Variants in GABRG3 observed in about 807,000 individuals in gnomAD.
GABRG3 encodes gamma-aminobutyric acid receptor subunit gamma-3.
A neutral mutation model predicts 48.8 loss-of-function variants in GABRG3; 25 were observed. The ratio of observed to expected loss-of-function variants is 0.51; its 90% CI spans 0.37 to 0.72. The LOEUF is 0.72. Ranked by LOEUF, GABRG3 falls within the 30% of genes least tolerant of loss-of-function variation. The pLI is 0.00. For synonymous variants in GABRG3, 227 were observed against 217.6 expected (o/e 1.04, Z -0.38); for missense variants, 394 against 577.9 (o/e 0.68, Z 3.26).
chr15:27,426,179 C>T (rs984982052), intron 5 of GABRG3, among the ~76,000 whole-genome samples: 6 of 152,142 alleles, frequency 3.9e-5, no homozygotes, highest in Non-Finnish European at 8.8e-5. Context: ...AGTGCCTCCT[C>T]CCCACAGAAA....
chr15:27,425,477 G>A (rs1202836785), intron 5 of GABRG3, among the ~76,000 whole-genome samples: 1 of 151,622 alleles, frequency 6.6e-6, no homozygotes, highest in East Asian at 1.9e-4. Flanking sequence ...TAGGCGTGGT[G>A]GTGGGCGCCT....
intron 5 of GABRG3, among the ~76,000 whole-genome samples, chr15:27,423,541 G>A (rs561869285): frequency 7.3e-6 from 1 of 136,428 alleles, no homozygotes; most frequent in East Asian, 2.1e-4. Flanking sequence ...TTGTTTTTTG[G>A]TTTTTTTTTT....
At chr15:27,337,351 C>T (rs1213159717) in intron 5 of GABRG3, among the ~76,000 whole-genome samples, 2 of 152,230 alleles carry the variant, frequency 1.3e-5, no homozygotes, top group Non-Finnish European at 2.9e-5. Context: ...GTTAATTTTA[C>T]TGCATTTTAT....
intron 5 of GABRG3, among the ~76,000 whole-genome samples, chr15:27,467,949 T>G (rs1441272920): frequency 1.3e-5 from 2 of 152,190 alleles, no homozygotes; most frequent in African/African-American, 4.8e-5. Context: ...TGTGATGAAG[T>G]CTCTTACCAT....
intron 3 of GABRG3, among the ~76,000 whole-genome samples, chr15:27,229,420 A>G (rs1476956610): frequency 6.7e-6 from 1 of 149,786 alleles, no homozygotes; most frequent in African/African-American, 2.5e-5. Flanking sequence ...TGGGCTCTCT[A>G]TTCTGTTTCA....
At position 27,216,742 on chromosome 15, in the gene GABRG3, T is replaced by TA. The variant is rs1311477373; in HGVS notation, c.271-110067_271-110066insA. Among the ~76,000 whole-genome samples, 74 of 129,890 alleles carry TA rather than the reference T, an allele frequency of 5.7e-4. No individual in the cohort carries two copies. The East Asian group carries it at 9.5e-3, about 17-fold the overall frequency. 85.2% of individuals were successfully genotyped at this position (129,890 alleles called of 152,430 possible). A position where few individuals can be genotyped will look rare whatever the true frequency, so the allele number is the denominator to read the frequency against. On this transcript the variant is annotated intron_variant, in intron 3 of 9. Coordinates refer to ENST00000615808, the MANE Select transcript of GABRG3 (RefSeq NM_033223.5). ...TCTGACCAATTCATTTCTTTTTTTT[T>TA]TTTTATTTTTTATTTATTTATTTAT...
At chr15:27,045,084 A>G (rs10519577) in intron 3 of GABRG3, among the ~76,000 whole-genome samples, 26,414 of 152,270 alleles carry the variant, frequency 0.17, 2,953 homozygotes, top group South Asian at 0.28. Flanking sequence ...ATTAATTCAC[A>G]TAACTACTGA....
At position 27,213,564 on chromosome 15, in the gene GABRG3, G is replaced by A. The variant is rs904595271; in HGVS notation, c.271-113245G>A. Among the ~76,000 whole-genome samples the A allele has an allele frequency of 2.6e-5, 4 of 152,308 alleles. No homozygotes were observed. In the East Asian group the frequency reaches 5.8e-4, roughly 22 times the overall value. ...CTTGGGGATTTTTGAAAACTGGCCT[G>A]TTTCAAAGTTCAGTTGGATTATGTG... On this transcript the variant is annotated intron_variant, in intron 3 of 9. Transcript: ENST00000615808.
chr15:27,249,323 C>T (rs1317371998), intron 3 of GABRG3, among the ~76,000 whole-genome samples: 1 of 152,182 alleles, frequency 6.6e-6, no homozygotes, highest in Non-Finnish European at 1.5e-5. Flanking sequence ...TCCTCACATG[C>T]ATCCCAGAAG....
chr15:27,045,644 G>A lies in GABRG3; in HGVS notation c.270+18823G>A, dbSNP rs576432909. Reference sequence around the variant, plus strand: ...CTCTGCCTCACTTTATCAGAAGCAGGTGCACACTCATGGAAGGCGAAAGAG... The same window carrying A: ...CTCTGCCTCACTTTATCAGAAGCAGATGCACACTCATGGAAGGCGAAAGAG... On this transcript the variant is annotated intron_variant, in intron 3 of 9. Coordinates refer to ENST00000615808, the MANE Select transcript of GABRG3 (RefSeq NM_033223.5). Among the ~76,000 whole-genome samples the A allele has an allele frequency of 3.9e-5, 6 of 152,276 alleles. No individual in the cohort carries two copies. The South Asian group carries it at 1.0e-3, about 26-fold the overall frequency.
At chr15:27,297,131 A>T (rs965847774) in intron 3 of GABRG3, among the ~76,000 whole-genome samples, 2 of 152,200 alleles carry the variant, frequency 1.3e-5, no homozygotes, top group Non-Finnish European at 2.9e-5. Context: ...TAGAATAAGG[A>T]TGTAGAGAAA....
At chr15:27,489,965 G>A (rs1890310269) in intron 6 of GABRG3, among the ~76,000 whole-genome samples, 1 of 152,084 alleles carries the variant, frequency 6.6e-6, no homozygotes, top group Non-Finnish European at 1.5e-5. Context: ...GTCCTGAATG[G>A]TATTTCCTAG....
intron 3 of GABRG3, among the ~76,000 whole-genome samples, chr15:27,172,039 T>G (rs1271088750): frequency 6.6e-6 from 1 of 152,100 alleles, no homozygotes; most frequent in African/African-American, 2.4e-5. Context: ...AGGAGCTCGC[T>G]CTTGTGATAA....
Position 26,975,445 on chromosome 15 carries a change from G to C in GABRG3, c.54-1557G>C, listed in dbSNP as rs1192886790. On this transcript the variant is annotated intron_variant, in intron 1 of 9. Transcript: ENST00000615808. This position sits in a 1 kb window ranked among gnomAD's most constrained non-coding sequence, Gnocchi z 4.6. ...TCAGCCTAGGAAAAACGTAAGTGGG[G>C]AAGTCATTCTTTGAGACATATGCCG... is the stretch of plus-strand genomic sequence containing the variant. 1.3e-5 allele frequency among the ~76,000 whole-genome samples: 2 copies of C among 152,102 alleles called. No individual in the cohort carries two copies. Among genetic ancestry groups the C allele is most frequent in the Non-Finnish European group, 2.9e-5 (2 of 68,016 alleles).
In GABRG3 at chr15:26,976,540, A is replaced by G. The variant is rs1031195071; in HGVS notation, c.54-462A>G. 6.6e-6 allele frequency among the ~76,000 whole-genome samples: 1 copy of G among 152,072 alleles called. No homozygotes were observed. The highest frequency in any genetic ancestry group is 2.4e-5 in the African/African-American group (1 of 41,406). Reference sequence around the variant, plus strand: ...GAGTCAGACTCAACTATTTTGAATGAGTCCACTCTGCAAAAGCTAATCTCA... The same window carrying G: ...GAGTCAGACTCAACTATTTTGAATGGGTCCACTCTGCAAAAGCTAATCTCA... On this transcript the variant is annotated intron_variant, in intron 1 of 9. Transcript: ENST00000615808. The surrounding 1 kb of genome is among the most constrained non-coding windows in gnomAD (Gnocchi z 7.8).
intron 3 of GABRG3, among the ~76,000 whole-genome samples, chr15:27,094,228 C>G (rs992737935): frequency 2.0e-5 from 3 of 152,176 alleles, no homozygotes; most frequent in Non-Finnish European, 4.4e-5. Context: ...GTCAAGCCTT[C>G]AGAGGCTGCA....
chr15:27,308,459 A>G (rs1429542102), intron 3 of GABRG3, among the ~76,000 whole-genome samples: 7 of 127,456 alleles, frequency 5.5e-5, no homozygotes, highest in East Asian at 4.2e-4. Context: ...ATGCAAACAT[A>G]CATGTTTATA....
At chr15:27,271,434 T>A in intron 3 of GABRG3, 1 of 397,812 alleles carries the variant, frequency 2.5e-6, no homozygotes, top group Admixed American at 2.9e-5. Context: ...TGCCAGGTGC[T>A]GCAGATGAAT....
In GABRG3 at chr15:27,447,854, G is replaced by A. The variant is rs1032811822; in HGVS notation, c.575-32796G>A. Reference sequence around the variant, plus strand: ...CATCACACACCAGGGCCTGTCAGGGGTAAGGGGGCTGGGGGAGAGATAGCA... The same window carrying A: ...CATCACACACCAGGGCCTGTCAGGGATAAGGGGGCTGGGGGAGAGATAGCA... On this transcript the variant is annotated intron_variant, in intron 5 of 9. Coordinates refer to ENST00000615808, the MANE Select transcript of GABRG3 (RefSeq NM_033223.5). This position sits in a 1 kb window ranked among gnomAD's most constrained non-coding sequence, Gnocchi z 4.0. Among the ~76,000 whole-genome samples, 3 of 152,230 alleles carry A rather than the reference G, an allele frequency of 2.0e-5. No homozygotes were observed. The highest frequency in any genetic ancestry group is 7.2e-5 in the African/African-American group (3 of 41,532).
Sources: gnomAD v4.1 joint callset for allele counts (sites outside exome capture counted in the v4.1 genomes callset) on GRCh38, gnomAD v4.1.1 for gene constraint, Gnocchi (gnomAD v3.1) non-coding constraint, MANE v1.5 for transcripts, NCBI Gene and HGNC (gene_info 2026-07-23, HGNC 2026-07-21) for gene names.